Variants in STK32B observed in about 807,000 individuals in gnomAD.
The protein encoded by STK32B is serine/threonine kinase 32B, also known as serine/threonine-protein kinase 32B.
Under a neutral mutation model 52.6 loss-of-function variants are expected in STK32B, and 43 were observed. The ratio of observed to expected loss-of-function variants is 0.82; its 90% CI spans 0.64 to 1.05. STK32B has a LOEUF of 1.05. Among genes scored for constraint, STK32B ranks in the 50% least tolerant of loss-of-function variants. The pLI is 0.00. For synonymous variants in STK32B, 238 were observed against 204.3 expected, an observed-to-expected ratio of 1.17 and a Z score of -1.41; for missense variants, 621 against 534.6, an observed-to-expected ratio of 1.16 and a Z score of -1.59.
chr4:5,213,905 T>A (rs1723042118), intron 3 of STK32B, among the ~76,000 whole-genome samples: 1 of 152,236 alleles, frequency 6.6e-6, no homozygotes, highest in East Asian at 1.9e-4. Flanking sequence ...AGTGATTTTA[T>A]GTCTGCTTTG....
intron 4 of STK32B, among the ~76,000 whole-genome samples, chr4:5,391,259 C>T (rs939060195): frequency 1.3e-5 from 2 of 152,132 alleles, no homozygotes; most frequent in African/African-American, 2.4e-5. Flanking sequence ...GGTGCCTGGC[C>T]TGTTTTCTCT....
chr4:5,317,433 AT>A (rs1387534004), intron 3 of STK32B, among the ~76,000 whole-genome samples: 3 of 30,336 alleles, frequency 9.9e-5, no homozygotes, highest in African/African-American at 4.4e-4. Flanking sequence ...ATACATATAT[AT>A]TACATATATA....
chr4:5,038,806 A>G, the STK32B span, among the ~76,000 whole-genome samples: 1 of 152,164 alleles, frequency 6.6e-6, no homozygotes, highest in African/African-American at 2.4e-5. Context: ...GAAACTCTGT[A>G]CACTTTGGCT....
chr4:5,289,171 G>A (rs1228518170), intron 3 of STK32B, among the ~76,000 whole-genome samples: 2 of 152,160 alleles, frequency 1.3e-5, no homozygotes, highest in South Asian at 2.1e-4. Context: ...ATATATGTAG[G>A]ATGTTACTGT....
the STK32B span, chr4:5,019,600 T>G: frequency 1.3e-6 from 1 of 764,764 alleles, no homozygotes; most frequent in Non-Finnish European, 1.9e-6. Flanking sequence ...CCGGGCAGGG[T>G]CGGGACAGGA....
At chr4:5,137,631 C>T (rs900378547) in intron 1 of STK32B, among the ~76,000 whole-genome samples, 17 of 152,168 alleles carry the variant, frequency 1.1e-4, no homozygotes, top group African/African-American at 3.1e-4. Flanking sequence ...AACTGAGGCA[C>T]ACAGAGGCTA....
At chr4:5,023,981 A>C in the STK32B span, among the ~76,000 whole-genome samples, 1 of 152,192 alleles carries the variant, frequency 6.6e-6, no homozygotes, top group Non-Finnish European at 1.5e-5. Context: ...CAGAAAATTC[A>C]GCATGAGACA....
At chr4:5,300,805 A>T (rs1341418618) in intron 3 of STK32B, among the ~76,000 whole-genome samples, 1 of 152,180 alleles carries the variant, frequency 6.6e-6, no homozygotes, top group East Asian at 1.9e-4. Flanking sequence ...AAACAAATGG[A>T]AAAACATTAC....
chr4:5,450,154 C>G (rs1715857740), intron 7 of STK32B, among the ~76,000 whole-genome samples: 1 of 152,118 alleles, frequency 6.6e-6, no homozygotes, highest in South Asian at 2.1e-4. Context: ...GATCCAACTT[C>G]TCTCTGACCC....
the STK32B span, among the ~76,000 whole-genome samples, chr4:5,031,101 G>T: frequency 6.6e-6 from 1 of 152,154 alleles, no homozygotes; most frequent in African/African-American, 2.4e-5. Context: ...CTTGCTCTTG[G>T]TGGGTCTCAG....
At chr4:5,488,208 G>C (rs537115380) in intron 11 of STK32B, among the ~76,000 whole-genome samples, 1 of 152,296 alleles carries the variant, frequency 6.6e-6, no homozygotes, top group Admixed American at 6.5e-5. Context: ...TGAGGCTGGA[G>C]AATCACTTGA....
intron 1 of STK32B, among the ~76,000 whole-genome samples, chr4:5,106,623 A>G (rs1437809534): frequency 2.0e-5 from 3 of 152,310 alleles, no homozygotes; most frequent in East Asian, 3.9e-4. Flanking sequence ...GAAATATGCC[A>G]TTTATAGATT....
Position 5,330,157 on chromosome 4 carries a change from G to A in STK32B, c.261-1063G>A, listed in dbSNP as rs561918448. Among the ~76,000 whole-genome samples the A allele has an allele frequency of 3.7e-4, 57 of 152,112 alleles. No homozygotes were observed. The East Asian group carries it at 0.011, about 29-fold the overall frequency. ...GCCTCAGTTTCCTGTTCTGTTAAGT[G>A]AGGGGAAGGACCTTGCTGATTCGGT... On this transcript the variant is annotated intron_variant, in intron 3 of 11. Coordinates refer to ENST00000282908, the MANE Select transcript of STK32B (RefSeq NM_018401.3).
intron 6 of STK32B, among the ~76,000 whole-genome samples, chr4:5,445,221 G>C (rs562668037): frequency 1.1e-3 from 163 of 152,306 alleles, no homozygotes; most frequent in Non-Finnish European, 1.5e-3. Flanking sequence ...GGGGCAGCTA[G>C]AATGTGGCTG....
chr4:5,418,515 A>G (rs1313095312), intron 6 of STK32B, among the ~76,000 whole-genome samples: 2 of 152,218 alleles, frequency 1.3e-5, no homozygotes, highest in Admixed American at 6.5e-5. Flanking sequence ...GGTTACTGCT[A>G]TTAATGTTTT....
intron 3 of STK32B, among the ~76,000 whole-genome samples, chr4:5,274,703 T>G (rs923283398): frequency 6.6e-6 from 1 of 152,164 alleles, no homozygotes; most frequent in African/African-American, 2.4e-5. Flanking sequence ...TCCCTTTTTT[T>G]GGGAGCTCTG....
At chr4:5,488,922 A>G (rs1283469761) in intron 11 of STK32B, among the ~76,000 whole-genome samples, 1 of 151,996 alleles carries the variant, frequency 6.6e-6, no homozygotes, top group African/African-American at 2.4e-5. Context: ...TGTCTGTCTT[A>G]TAATTCTTAT....
chr4:5,143,706 C>A (rs1374624), intron 2 of STK32B, among the ~76,000 whole-genome samples: 49,535 of 151,836 alleles, frequency 0.33, 9,550 homozygotes, highest in Non-Finnish European at 0.44. Context: ...CTGGCACTCA[C>A]ACTATCCCTT....
intron 4 of STK32B, among the ~76,000 whole-genome samples, chr4:5,367,751 G>T (rs563173929): frequency 1.3e-5 from 2 of 152,062 alleles, no homozygotes; most frequent in Non-Finnish European, 2.9e-5. Flanking sequence ...ATCCTTTCCC[G>T]TTTGTGCCAT....
Sources: gnomAD v4.1 joint callset for allele counts (sites outside exome capture counted in the v4.1 genomes callset) on GRCh38, gnomAD v4.1.1 for gene constraint, MANE v1.5 for transcripts, NCBI Gene and HGNC (gene_info 2026-07-23, HGNC 2026-07-21) for gene names.